The following MCTP1 variants were observed in gnomAD, a reference collection of about 807,000 sequenced individuals.
MCTP1 encodes the protein multiple C2 and transmembrane domain-containing protein 1.
Under a neutral mutation model 120.6 loss-of-function variants are expected in MCTP1, and 69 were observed. The ratio of observed to expected loss-of-function variants is 0.57; its 90% confidence interval spans 0.47 to 0.70. The LOEUF (loss-of-function observed/expected upper bound fraction) is 0.70, where lower values mean the gene tolerates loss of function less well. Ranked by LOEUF, MCTP1 falls within the 30% of genes least tolerant of loss-of-function variation. MCTP1 has a pLI of 0.00. For synonymous variants in MCTP1, 529 were observed against 493.1 expected (o/e 1.07, Z -0.96); for missense variants, 1,203 against 1,248.8 (o/e 0.96, Z 0.55).
chr5:95,113,314 C>A (rs1398996756), intron 1 of MCTP1, among the ~76,000 whole-genome samples: 1 of 151,900 alleles, frequency 6.6e-6, no homozygotes, highest in African/African-American at 2.4e-5. Flanking sequence ...TCATAAGAAC[C>A]AAAAAGCAGG....
chr5:94,771,705 G>T (rs979662570), intron 19 of MCTP1, among the ~76,000 whole-genome samples: 2 of 152,190 alleles, frequency 1.3e-5, no homozygotes, highest in African/African-American at 4.8e-5. Flanking sequence ...GAGGAACTCA[G>T]ATCTAGTGCT....
At chr5:95,030,212 G>A (rs761819412) in intron 1 of MCTP1, among the ~76,000 whole-genome samples, 5 of 152,166 alleles carry the variant, frequency 3.3e-5, no homozygotes, top group Non-Finnish European at 7.4e-5. Flanking sequence ...GTTGGCTCAA[G>A]ATGAGGAGCT....
At chr5:95,207,965 G>C (rs1272050547) in intron 1 of MCTP1, among the ~76,000 whole-genome samples, 1 of 99,552 alleles carries the variant, frequency 1.0e-5, no homozygotes, top group Non-Finnish European at 2.4e-5. Context: ...GAGGGAGAGA[G>C]AGGGAGAGAG....
At chr5:94,889,005 G>A in intron 11 of MCTP1, 33 bp from the exon 12 acceptor site, 1 of 1,435,056 alleles carries the variant, frequency 7.0e-7, no homozygotes, top group Non-Finnish European at 9.8e-7. Flanking sequence ...TTAGAAAAGG[G>A]AGGTCCCAAG....
At chr5:95,208,536 T>C (rs765117107) in intron 1 of MCTP1, among the ~76,000 whole-genome samples, 1 of 152,192 alleles carries the variant, frequency 6.6e-6, no homozygotes, top group Non-Finnish European at 1.5e-5. Context: ...GAGGTAAATA[T>C]ATTATTTTTA....
In MCTP1 at chr5:94,889,543, C is replaced by T. The variant is rs577525884; in HGVS notation, c.1840-571G>A. Among the ~76,000 whole-genome samples the T allele has an allele frequency of 4.6e-5, 7 of 152,154 alleles. No homozygotes were observed. In the East Asian group the frequency reaches 9.7e-4, roughly 21 times the overall value. On this transcript the variant is annotated intron_variant, in intron 11 of 22. Coordinates refer to ENST00000515393, the MANE Select transcript of MCTP1 (RefSeq NM_024717.7). ...GGCAGAGGTTGCAGTGAGCCAAGAT[C>T]GCGCCACTGCACTCCAGCCTGGGTG...
rs556454190 is a variant in MCTP1 at position 94,899,281 on chromosome 5, G to C, written c.1653-4446C>G. On this transcript the variant is annotated intron_variant, in intron 10 of 22. Transcript: ENST00000515393. ...ATATAGCTCCCTAGGCTCTCCTGGA[G>C]CCATGGTCTCCTGAGTCCTCAGCTG... Among the ~76,000 whole-genome samples, 50 of 152,324 alleles carry C rather than the reference G, an allele frequency of 3.3e-4. 1 individual carries two copies. Among genetic ancestry groups the C allele is most frequent in the Admixed American group, 2.0e-3 (31 of 15,304 alleles).
At chr5:94,853,858 C>T (rs1336755258) in intron 17 of MCTP1, among the ~76,000 whole-genome samples, 1 of 151,840 alleles carries the variant, frequency 6.6e-6, no homozygotes, top group Non-Finnish European at 1.5e-5. Context: ...TGGCCTTATT[C>T]CCGCCTCTGG....
chr5:95,185,471 C>T (rs1374518575), intron 1 of MCTP1, among the ~76,000 whole-genome samples: 1 of 152,098 alleles, frequency 6.6e-6, no homozygotes, highest in Non-Finnish European at 1.5e-5. Flanking sequence ...AATACAGGAT[C>T]ATTCATGGTT....
intron 1 of MCTP1, among the ~76,000 whole-genome samples, chr5:95,181,731 T>C (rs908146099): frequency 5.3e-5 from 8 of 152,188 alleles, no homozygotes; most frequent in African/African-American, 1.9e-4. Flanking sequence ...TCATGGTAGA[T>C]TAACAGTAAG....
intron 17 of MCTP1, among the ~76,000 whole-genome samples, chr5:94,821,026 C>T (rs1785525820): frequency 6.6e-6 from 1 of 152,162 alleles, no homozygotes; most frequent in Non-Finnish European, 1.5e-5. Flanking sequence ...ATAGCTTGCT[C>T]AAGGCCACCC....
At chr5:94,899,754 T>A (rs1174651945) in intron 10 of MCTP1, among the ~76,000 whole-genome samples, 2 of 152,248 alleles carry the variant, frequency 1.3e-5, no homozygotes, top group Non-Finnish European at 2.9e-5. Flanking sequence ...TGGATGCACC[T>A]GCTAAGCAAC....
At chr5:94,936,674 G>C (rs538903013) in intron 5 of MCTP1, among the ~76,000 whole-genome samples, 51 of 152,188 alleles carry the variant, frequency 3.4e-4, no homozygotes, top group Middle Eastern at 6.8e-3. Context: ...CTAATAACCA[G>C]TGTTGGTAAA....
rs71910468 is a variant in MCTP1 at position 95,284,679 on chromosome 5, T to TGGCGGC, written c.-110_-105dup. The TGGCGGC allele has an allele frequency of 2.5e-5, 25 of 980,656 alleles. No homozygotes were observed. Among genetic ancestry groups the TGGCGGC allele is most frequent in the Admixed American group, 1.7e-4 (4 of 23,588 alleles). The allele number at this position is 980,656 out of a possible 1,614,324, so 60.7% of individuals were successfully genotyped here. On this transcript the variant is annotated 5_prime_UTR_variant, in exon 1 of 23. Coordinates refer to ENST00000515393, the MANE Select transcript of MCTP1 (RefSeq NM_024717.7). The surrounding 1 kb of genome is among the most constrained non-coding windows in gnomAD (Gnocchi z 5.2). ...TCCCGGGTCCCCGCGGCGCTGGCGG[T>TGGCGGC]GGCGGCGGCGGCGGCGGCGGGCGCA...
intron 17 of MCTP1, among the ~76,000 whole-genome samples, chr5:94,849,521 C>T (rs1463497295): frequency 1.3e-5 from 2 of 152,146 alleles, no homozygotes; most frequent in African/African-American, 2.4e-5. Context: ...TGTAGCCTGC[C>T]TCCATCTCTG....
intron 10 of MCTP1, among the ~76,000 whole-genome samples, chr5:94,906,780 C>G (rs1293366466): frequency 6.6e-6 from 1 of 152,118 alleles, no homozygotes; most frequent in Non-Finnish European, 1.5e-5. Context: ...TCAGCTCAGA[C>G]AGTACCCTTA....
intron 1 of MCTP1, among the ~76,000 whole-genome samples, chr5:95,058,264 A>G (rs1747956821): frequency 6.6e-6 from 1 of 152,250 alleles, no homozygotes; most frequent in Admixed American, 6.5e-5. Flanking sequence ...AAGAAGAAAT[A>G]CTGCAGAAGA....
intron 21 of MCTP1, 159 bp from the exon 22 acceptor site, chr5:94,708,768 A>G (rs1470469256): frequency 7.2e-6 from 4 of 552,594 alleles, no homozygotes; most frequent in Admixed American, 6.1e-5. Context: ...TTCCAGCTCA[A>G]CTGCTTTTTT....
intron 2 of MCTP1, among the ~76,000 whole-genome samples, chr5:94,982,375 G>T (rs1367398340): frequency 6.6e-6 from 1 of 151,922 alleles, no homozygotes; most frequent in Non-Finnish European, 1.5e-5. Context: ...TATATTTAAG[G>T]CAATGACACA....
Sources: gnomAD v4.1 joint callset for allele counts (sites outside exome capture counted in the v4.1 genomes callset) on GRCh38, gnomAD v4.1.1 for gene constraint, Gnocchi (gnomAD v3.1) non-coding constraint, MANE v1.5 for transcripts, NCBI Gene and HGNC (gene_info 2026-07-23, HGNC 2026-07-21) for gene names.